The following DAGLA variants were observed in gnomAD, a reference collection of about 807,000 sequenced individuals.
The protein encoded by DAGLA is diacylglycerol lipase-alpha.
Under a neutral mutation model 102.6 loss-of-function variants are expected in DAGLA, and 22 were observed. The ratio of observed to expected loss-of-function variants is 0.21; its 90% CI spans 0.15 to 0.31. The LOEUF (loss-of-function observed/expected upper bound fraction) is 0.31. DAGLA is among the 10% of genes least tolerant of loss of function. The probability of loss-of-function intolerance (pLI) is 1.00; values close to 1 mark genes in which losing one functional copy is unlikely to be tolerated. For missense variants in DAGLA, 927 were observed against 1,446.6 expected (o/e 0.64, Z 5.83); for synonymous variants, 578 against 628.9 (o/e 0.92, Z 1.21).
chr11:61,741,109 G>A (rs1031195861), intron 18 of DAGLA, 53 bp from the exon 19 acceptor site: 27 of 1,514,580 alleles, frequency 1.8e-5, no homozygotes, highest in African/African-American at 8.3e-5. Flanking sequence ...TCGGCCCCAC[G>A]ATGGGGCCTG....
At position 61,743,603 on chromosome 11, in the gene DAGLA, C is replaced by T. The variant is rs762271270; in HGVS notation, c.2243C>T (p.Ala748Val). 31 of 1,572,984 alleles carry T rather than the reference C, an allele frequency of 2.0e-5. No homozygotes were observed. The highest frequency in any genetic ancestry group is 3.6e-5 in the Admixed American group (2 of 55,340). Residue 748 changes from alanine to valine, a missense_variant, in exon 20 of 20, where the codon GCG becomes GTG. Physicochemically the swap from Ala to Val is moderately conservative, Grantham distance 64 (BLOSUM62 0). Transcript: ENST00000257215. ...CGGCTGCTGTCGCCAGTGGTTGCGG[C>T]GGCGGCCCGCCAGGACCCGGTGGAG... The part of the protein sequence containing the change: ...EGRLLSPVVA[A>V]AARQDPVELL...
At chr11:61,699,486 G>A (rs2065091887) in intron 1 of DAGLA, among the ~76,000 whole-genome samples, 1 of 152,138 alleles carries the variant, frequency 6.6e-6, no homozygotes, top group Non-Finnish European at 1.5e-5. Flanking sequence ...GTCCCACATG[G>A]GCCTCATCCC....
At chr11:61,695,811 C>G (rs974815523) in intron 1 of DAGLA, among the ~76,000 whole-genome samples, 7 of 152,182 alleles carry the variant, frequency 4.6e-5, no homozygotes. Flanking sequence ...GAGCAGTGGC[C>G]TTGCCTGGAA....
intron 15 of DAGLA, 80 bp downstream of exon 15, chr11:61,737,835 G>T (rs572212915): frequency 9.7e-7 from 1 of 1,030,202 alleles, no homozygotes; most frequent in Non-Finnish European, 1.4e-6. Flanking sequence ...CCCAGCCCCC[G>T]CATCTCTCTC....
rs538337168 is a variant in DAGLA at position 61,682,257 on chromosome 11, G to A, written c.-45+1753G>A. Among the ~76,000 whole-genome samples, 12 of 152,324 alleles carry A rather than the reference G, an allele frequency of 7.9e-5. No individual in the cohort carries two copies. The East Asian group carries it at 2.3e-3, about 29-fold the overall frequency. Reference sequence around the variant, plus strand: ...GAAATGGTGCACGTGGAAACACTTTGCAAACAGCGAAAGACTGTACAAAGG... The same window carrying A: ...GAAATGGTGCACGTGGAAACACTTTACAAACAGCGAAAGACTGTACAAAGG... On this transcript the variant is annotated intron_variant, in intron 1 of 19. Transcript: ENST00000257215.
chr11:61,734,987 C>T lies in DAGLA; in HGVS notation c.1113C>T (p.Thr371=). 6.2e-7 allele frequency: 1 copy of T among 1,613,628 alleles called. No individual in the cohort carries two copies. Among genetic ancestry groups the T allele is most frequent in the Non-Finnish European group, 8.5e-7 (1 of 1,179,728 alleles). ...ENMTAVDIVY[T]SCHDAVYETP... ...TGACTGCGGTGGACATCGTCTATAC[C>T]TCCTGCCATGATGCGGTGAGGCCGG... The change falls in exon 10 of 20, where the codon ACC becomes ACT. Residue 371 remains threonine (T), a synonymous_variant. Coordinates refer to ENST00000257215, the MANE Select transcript of DAGLA (RefSeq NM_006133.3). This position sits in a 1 kb window ranked among gnomAD's most constrained non-coding sequence, Gnocchi z 4.2.
At chr11:61,716,643 G>C (rs1346714346) in intron 1 of DAGLA, among the ~76,000 whole-genome samples, 1 of 152,204 alleles carries the variant, frequency 6.6e-6, no homozygotes, top group East Asian at 1.9e-4. Context: ...CAGAGAGGGC[G>C]AGGCATATGC....
chr11:61,700,365 G>A (rs1420809888), intron 1 of DAGLA, among the ~76,000 whole-genome samples: 1 of 147,176 alleles, frequency 6.8e-6, no homozygotes, highest in East Asian at 1.9e-4. Context: ...TCCCTGCCCT[G>A]ACCTTCTCTT....
chr11:61,685,719 G>GA lies in DAGLA; in HGVS notation c.-45+5216dup, dbSNP rs1478439846. 3.9e-5 allele frequency among the ~76,000 whole-genome samples: 6 copies of GA among 152,186 alleles called. No homozygotes were observed. In the East Asian group the frequency reaches 9.7e-4, roughly 25 times the overall value. Reference sequence around the variant, plus strand: ...AGTGACTCGAGCCAGGGAGGTTGGGGAGACTCGGGTGGCCACGGCCTTTTT... The same window carrying GA: ...AGTGACTCGAGCCAGGGAGGTTGGGGAAGACTCGGGTGGCCACGGCCTTTTT... On this transcript the variant is annotated intron_variant, in intron 1 of 19. Coordinates refer to ENST00000257215, the MANE Select transcript of DAGLA (RefSeq NM_006133.3).
At chr11:61,722,317 G>A (rs1431291751) in intron 3 of DAGLA, among the ~76,000 whole-genome samples, 1 of 152,204 alleles carries the variant, frequency 6.6e-6, no homozygotes, top group Non-Finnish European at 1.5e-5. Flanking sequence ...CAGGCGCGGT[G>A]GCTCATGCCT....
At position 61,736,353 on chromosome 11, in the gene DAGLA, G is replaced by A; in HGVS notation, c.1371+3G>A. 1 of 1,613,670 alleles carries A rather than the reference G, an allele frequency of 6.2e-7. No homozygotes were observed. Among genetic ancestry groups the A allele is most frequent in the East Asian group, 2.2e-5 (1 of 44,872 alleles). On this transcript the variant is annotated splice_donor_region_variant and intron_variant, in intron 13 of 19. Transcript: ENST00000257215. ...CCCAGGCCTTTGGGCGAGACCTGGTGAGGAATTTTCCATGGCACCAAGCCT... is the reference window on the plus strand; with the variant it reads ...CCCAGGCCTTTGGGCGAGACCTGGTAAGGAATTTTCCATGGCACCAAGCCT...
intron 1 of DAGLA, among the ~76,000 whole-genome samples, chr11:61,691,109 T>G (rs370736113): frequency 6.6e-6 from 1 of 152,252 alleles, no homozygotes; most frequent in East Asian, 1.9e-4. Flanking sequence ...AGCAGCTGCC[T>G]GCTCCATTTC....
intron 18 of DAGLA, among the ~76,000 whole-genome samples, chr11:61,740,912 C>T (rs1468478475): frequency 6.6e-6 from 1 of 152,190 alleles, no homozygotes; most frequent in Non-Finnish European, 1.5e-5. Context: ...CAGCCACAGC[C>T]ATCCCCTGGC....
chr11:61,740,136 C>T (rs2065464685), intron 17 of DAGLA, among the ~76,000 whole-genome samples: 1 of 152,246 alleles, frequency 6.6e-6, no homozygotes, highest in African/African-American at 2.4e-5. Flanking sequence ...GACGGCTGGG[C>T]CCTGGCTCCT....
chr11:61,741,283 G>T lies in DAGLA; in HGVS notation c.2105G>T (p.Gly702Val), dbSNP rs535983656. The T allele has an allele frequency of 4.3e-6, 7 of 1,612,946 alleles. No individual in the cohort carries two copies. The highest frequency in any genetic ancestry group is 3.3e-5 in the Admixed American group (2 of 60,024). Residue 702 changes from glycine (G) to valine (V), a missense_variant, in exon 19 of 20, where the codon GGG becomes GTG. This residue lies in a region of DAGLA where 434 missense variants were observed against 503.3 expected (regional missense o/e 0.86). Transcript: ENST00000257215. ...TTCCAGCAGCAGCCACTCCCCACGG[G>T]GCCGCCCATGCCCACTGGCCTTGCC... ...LIFQQQPLPT[G>V]PPMPTGLALE...
At chr11:61,705,095 G>A (rs899690661) in intron 1 of DAGLA, among the ~76,000 whole-genome samples, 7 of 152,104 alleles carry the variant, frequency 4.6e-5, no homozygotes, top group Admixed American at 2.0e-4. Context: ...GCTGACTCCC[G>A]GAGCTGTTGC....
chr11:61,683,445 CTT>C (rs2064961240), intron 1 of DAGLA, among the ~76,000 whole-genome samples: 1 of 152,236 alleles, frequency 6.6e-6, no homozygotes, highest in Non-Finnish European at 1.5e-5. Flanking sequence ...TTGCTGGGCA[CTT>C]CAGCTCATGT....
At chr11:61,743,181 G>C (rs1708835000) in intron 19 of DAGLA, among the ~76,000 whole-genome samples, 2 of 152,130 alleles carry the variant, frequency 1.3e-5, no homozygotes, top group East Asian at 3.9e-4. Flanking sequence ...TGGCTAACAT[G>C]GTGAAACCCC....
At chr11:61,696,753 C>T (rs543905534) in intron 1 of DAGLA, among the ~76,000 whole-genome samples, 23 of 152,272 alleles carry the variant, frequency 1.5e-4, no homozygotes, top group African/African-American at 4.6e-4. Flanking sequence ...TCCTTGGCAG[C>T]GAGCAGGCAG....
Sources: allele counts gnomAD v4.1 joint callset (sites outside exome capture counted in the v4.1 genomes callset), GRCh38; gene constraint gnomAD v4.1.1; regional missense constraint gnomAD v4.1.1; non-coding constraint Gnocchi (gnomAD v3.1); transcripts MANE v1.5; gene names NCBI Gene and HGNC (gene_info 2026-07-23, HGNC 2026-07-21).